WFDC2: variants seen among roughly 807,000 people sequenced by gnomAD.
WFDC2 encodes WAP four-disulfide core domain 2, also known as WAP four-disulfide core domain protein 2.
In WFDC2, 8 loss-of-function variants were observed where a neutral mutation model predicts 12.5. The ratio of observed to expected loss-of-function variants is 0.64; its 90% CI spans 0.37 to 1.15. The LOEUF (loss-of-function observed/expected upper bound fraction) is 1.15, where lower values mean the gene tolerates loss of function less well. Ranked by LOEUF, WFDC2 falls within the 50% of genes most tolerant of loss-of-function variation. The probability of loss-of-function intolerance (pLI) is 0.01; values close to 1 mark genes in which losing one functional copy is unlikely to be tolerated. For missense variants in WFDC2, 166 were observed against 159.9 expected, an observed-to-expected ratio of 1.04 and a Z score of -0.21; for synonymous variants, 74 against 67.2, an observed-to-expected ratio of 1.10 and a Z score of -0.49.
At chr20:45,471,700 G>GA (rs1991174571) in intron 2 of WFDC2, among the ~76,000 whole-genome samples, 1 of 152,172 alleles carries the variant, frequency 6.6e-6, no homozygotes, top group Non-Finnish European at 1.5e-5. Context: ...AGGAGCAAAG[G>GA]AGGGAGTCTT....
chr20:45,472,021 T>C (rs1600846553), intron 2 of WFDC2, among the ~76,000 whole-genome samples: 1 of 152,224 alleles, frequency 6.6e-6, no homozygotes, highest in Admixed American at 6.5e-5. Flanking sequence ...TGGTTCCCTA[T>C]TTATTTCCAG....
Position 45,469,929 on chromosome 20 carries a change from G to A in WFDC2, c.79+69G>A, listed in dbSNP as rs1455688226. 7 of 1,543,202 alleles carry A rather than the reference G, an allele frequency of 4.5e-6. No individual in the cohort carries two copies. The East Asian group carries it at 1.7e-4, about 37-fold the overall frequency. On this transcript the variant is annotated intron_variant, in intron 1 of 3. Transcript: ENST00000372676. ...CACGAGCGCCAGGATGGAGCCAGGC[G>A]GAGGCGTAGCCTCTGGAGGCTGGGG...
intron 1 of WFDC2, 85 bp downstream of exon 1, chr20:45,469,945 G>C (rs897991657): frequency 4.7e-6 from 7 of 1,499,412 alleles, no homozygotes; most frequent in Non-Finnish European, 5.4e-6. Context: ...GTAGCCTCTG[G>C]AGGCTGGGGA....
chr20:45,477,513 A>T (rs1991247488), intron 2 of WFDC2, among the ~76,000 whole-genome samples: 1 of 152,254 alleles, frequency 6.6e-6, no homozygotes. Flanking sequence ...GCTGCAGAAC[A>T]GCAAAGATTG....
At chr20:45,478,782 C>T (rs533307290) in intron 2 of WFDC2, among the ~76,000 whole-genome samples, 27 of 152,170 alleles carry the variant, frequency 1.8e-4, no homozygotes, top group Non-Finnish European at 2.8e-4. Context: ...CATGCCACCA[C>T]GCCCAGTTAA....
intron 2 of WFDC2, among the ~76,000 whole-genome samples, chr20:45,477,239 C>T (rs558329601): frequency 1.3e-5 from 2 of 152,172 alleles, no homozygotes; most frequent in East Asian, 3.9e-4. Flanking sequence ...AATTGTGATC[C>T]TTTGGAGAAG....
chr20:45,479,437 ACAGATCC>A, intron 2 of WFDC2: 1 of 551,374 alleles, frequency 1.8e-6, no homozygotes, highest in South Asian at 2.5e-5. Context: ...GGAAATATTA[ACAGATCC>A]CTCCCCTTCT....
At chr20:45,474,882 C>T (rs1991214197) in intron 2 of WFDC2, among the ~76,000 whole-genome samples, 1 of 152,246 alleles carries the variant, frequency 6.6e-6, no homozygotes, top group Non-Finnish European at 1.5e-5. Flanking sequence ...TTCAGGGATT[C>T]GACTTCTTCC....
At position 45,470,532 on chromosome 20, in the gene WFDC2, G is replaced by A. The variant is rs995162001; in HGVS notation, c.223G>A (p.Asp75Asn). 2 of 1,594,266 alleles carry A rather than the reference G, an allele frequency of 1.3e-6. No individual in the cohort carries two copies. Among genetic ancestry groups the A allele is most frequent in the Non-Finnish European group, 8.5e-7 (1 of 1,169,756 alleles). ...TGCCACCTTCTGCTCTCTGCCCAATGGTAACCCCACGGCGGCCGAGCGGGA... is the reference window on the plus strand; with the variant it reads ...TGCCACCTTCTGCTCTCTGCCCAATAGTAACCCCACGGCGGCCGAGCGGGA... ...GCATFCSLPN[D>N]KEGSCPQVNI... The change falls in exon 2 of 4, where the codon GAT (aspartate) becomes AAT (asparagine). Residue 75 changes from aspartate to asparagine, a missense_variant and splice_region_variant. Asp to Asn is a conservative substitution (Grantham distance 23). Transcript: ENST00000372676. This position sits in a 1 kb window ranked among gnomAD's most constrained non-coding sequence, Gnocchi z 5.4.
At chr20:45,480,118 T>G in intron 3 of WFDC2, 24 bp downstream of exon 3, 1 of 1,610,932 alleles carries the variant, frequency 6.2e-7, no homozygotes, top group Non-Finnish European at 8.5e-7. Context: ...AAAGAGAAAG[T>G]GCATTGATGG....
At chr20:45,476,866 A>G (rs1394222139) in intron 2 of WFDC2, among the ~76,000 whole-genome samples, 1 of 151,818 alleles carries the variant, frequency 6.6e-6, no homozygotes, top group African/African-American at 2.4e-5. Context: ...GGCTTTGTTC[A>G]TTCATTCCTT....
In WFDC2 at chr20:45,472,546, C is replaced by A. The variant is rs574909176; in HGVS notation, c.223+2014C>A. Among the ~76,000 whole-genome samples the A allele has an allele frequency of 1.8e-3, 267 of 151,932 alleles. 1 individual carries two copies. The highest frequency in any genetic ancestry group is 3.1e-3 in the Admixed American group (47 of 15,264). ...ATGGGCATTTGGGTTGGTTCCAAGTCTTTGCTATTGTGAACAGTGCTGCAA... is the reference window on the plus strand; with the variant it reads ...ATGGGCATTTGGGTTGGTTCCAAGTATTTGCTATTGTGAACAGTGCTGCAA... On this transcript the variant is annotated intron_variant, in intron 2 of 3. Transcript: ENST00000372676.
At position 45,469,757 on chromosome 20, in the gene WFDC2, C is replaced by T. The variant is rs6032215; in HGVS notation, c.-25C>T. 1.3e-6 allele frequency: 2 copies of T among 1,597,826 alleles called. No homozygotes were observed. Among genetic ancestry groups the T allele is most frequent in the Non-Finnish European group, 1.7e-6 (2 of 1,171,972 alleles). ...CCCGCACCTGAGCATCGGCTCACAC[C>T]TGCACCCCGCCCGGGCATAGCACCA... On this transcript the variant is annotated 5_prime_UTR_variant, in exon 1 of 4. Coordinates refer to ENST00000372676, the MANE Select transcript of WFDC2 (RefSeq NM_006103.4).
At chr20:45,478,507 C>T in intron 2 of WFDC2, among the ~76,000 whole-genome samples, 1 of 152,166 alleles carries the variant, frequency 6.6e-6, no homozygotes, top group East Asian at 1.9e-4. Flanking sequence ...TCTAACCAGT[C>T]CCAATGAGAT....
intron 2 of WFDC2, chr20:45,479,715 G>A: frequency 1.2e-6 from 2 of 1,614,018 alleles, no homozygotes; most frequent in Non-Finnish European, 1.7e-6. Context: ...GGCCCACTTG[G>A]GACTCAAGCT....
intron 2 of WFDC2, among the ~76,000 whole-genome samples, chr20:45,474,741 G>A (rs1991212330): frequency 6.6e-6 from 1 of 152,196 alleles, no homozygotes; most frequent in African/African-American, 2.4e-5. Flanking sequence ...AATAGTTTCA[G>A]AAGGAATGGT....
chr20:45,478,779 C>A (rs758684748), intron 2 of WFDC2, among the ~76,000 whole-genome samples: 1 of 152,110 alleles, frequency 6.6e-6, no homozygotes, highest in Non-Finnish European at 1.5e-5. Context: ...GTGCATGCCA[C>A]CACGCCCAGT....
intron 2 of WFDC2, among the ~76,000 whole-genome samples, chr20:45,473,109 A>G (rs1392449670): frequency 6.6e-6 from 1 of 152,030 alleles, no homozygotes; most frequent in Admixed American, 6.5e-5. Context: ...AGAGTGCAAA[A>G]ATTTTCTCCC....
At position 45,470,364 on chromosome 20, in the gene WFDC2, G is replaced by T. The variant is rs778175792; in HGVS notation, c.80-25G>T. ...GGGGCTGGCGCTACGCCCCACCCTC[G>T]ACTGTCCCGGGCCTCCCCTCCCAGG... On this transcript the variant is annotated intron_variant, in intron 1 of 3. Transcript: ENST00000372676. The surrounding 1 kb of genome is among the most constrained non-coding windows in gnomAD (Gnocchi z 5.4). 1 of 1,564,474 alleles carries T rather than the reference G, an allele frequency of 6.4e-7. No individual in the cohort carries two copies. Among genetic ancestry groups the T allele is most frequent in the East Asian group, 2.4e-5 (1 of 42,234 alleles).
Sources: allele counts gnomAD v4.1 joint callset (sites outside exome capture counted in the v4.1 genomes callset), GRCh38; gene constraint gnomAD v4.1.1; non-coding constraint Gnocchi (gnomAD v3.1); transcripts MANE v1.5; gene names NCBI Gene and HGNC (gene_info 2026-07-23, HGNC 2026-07-21).